The following FSIP1 variants were observed in gnomAD, a reference collection of about 807,000 sequenced individuals.
FSIP1 encodes fibrous sheath-interacting protein 1.
In FSIP1, 65 loss-of-function variants were observed where a neutral mutation model predicts 60.9. That is an observed-to-expected ratio of 1.07 (90% CI 0.87 to 1.31). FSIP1 has a LOEUF of 1.31. FSIP1 is among the 40% of genes most tolerant of loss of function. The pLI is 0.00. For synonymous variants in FSIP1, 209 were observed against 221.2 expected, an observed-to-expected ratio of 0.94 and a Z score of 0.49; for missense variants, 675 against 665.5, an observed-to-expected ratio of 1.01 and a Z score of -0.16.
At chr15:39,741,728 T>C (rs1896807020) in intron 6 of FSIP1, 77 bp downstream of exon 6, 1 of 743,184 alleles carries the variant, frequency 1.3e-6, no homozygotes, top group Non-Finnish European at 2.3e-6. Flanking sequence ...CATGAACTTA[T>C]TTCATTTATG....
intron 5 of FSIP1, among the ~76,000 whole-genome samples, chr15:39,758,384 T>A (rs1201764055): frequency 1.3e-5 from 2 of 152,022 alleles, no homozygotes; most frequent in Non-Finnish European, 2.9e-5. Context: ...CACAAGCAGG[T>A]TTGGTCTTTC....
intron 9 of FSIP1, 30 bp from the exon 10 acceptor site, chr15:39,713,611 T>C: frequency 6.4e-7 from 1 of 1,571,640 alleles, no homozygotes; most frequent in Non-Finnish European, 8.6e-7. Flanking sequence ...AAAACATCAT[T>C]CACAGGCTGG....
chr15:39,646,698 T>G (rs1432486709), intron 10 of FSIP1, among the ~76,000 whole-genome samples: 3 of 141,090 alleles, frequency 2.1e-5, no homozygotes, highest in African/African-American at 8.5e-5. Flanking sequence ...TGTGACACAC[T>G]GTCTCTTAAA....
chr15:39,680,161 T>C (rs1313945557), intron 10 of FSIP1, among the ~76,000 whole-genome samples: 1 of 151,534 alleles, frequency 6.6e-6, no homozygotes, highest in Non-Finnish European at 1.5e-5. Flanking sequence ...TCAAAAAAAA[T>C]AATAATAATG....
chr15:39,654,728 C>T (rs1288259188), intron 10 of FSIP1, among the ~76,000 whole-genome samples: 3 of 152,224 alleles, frequency 2.0e-5, no homozygotes, highest in African/African-American at 4.8e-5. Context: ...AGGACAACCA[C>T]ATCAGTCAGG....
At chr15:39,678,370 A>T (rs572869208) in intron 10 of FSIP1, among the ~76,000 whole-genome samples, 2 of 152,290 alleles carry the variant, frequency 1.3e-5, no homozygotes, top group South Asian at 4.1e-4. Flanking sequence ...CAGAAATGAG[A>T]CCTTCATAAG....
At chr15:39,765,431 A>T (rs1444157655) in intron 4 of FSIP1, among the ~76,000 whole-genome samples, 161 bp downstream of exon 4, 1 of 151,308 alleles carries the variant, frequency 6.6e-6, no homozygotes, top group Non-Finnish European at 1.5e-5. Flanking sequence ...TTTTGTACAG[A>T]TGGGGTCTCT....
intron 3 of FSIP1, among the ~76,000 whole-genome samples, chr15:39,766,410 C>A (rs941593623): frequency 1.3e-5 from 2 of 152,178 alleles, no homozygotes; most frequent in African/African-American, 4.8e-5. Flanking sequence ...TATAGAGTTA[C>A]CTGATAGGCA....
intron 4 of FSIP1, 83 bp from the exon 5 acceptor site, chr15:39,763,997 C>A: frequency 1.4e-6 from 1 of 736,106 alleles, no homozygotes; most frequent in African/African-American, 1.8e-5. Flanking sequence ...ACACGGCTCC[C>A]AATCACATAC....
chr15:39,613,010 A>T (rs1327337394), intron 11 of FSIP1, among the ~76,000 whole-genome samples: 1 of 152,090 alleles, frequency 6.6e-6, no homozygotes, highest in South Asian at 2.1e-4. Context: ...AAAAGAAAAA[A>T]ATATCAGAAT....
At chr15:39,698,425 T>C (rs1894913054) in intron 10 of FSIP1, among the ~76,000 whole-genome samples, 1 of 152,148 alleles carries the variant, frequency 6.6e-6, no homozygotes, top group Non-Finnish European at 1.5e-5. Flanking sequence ...ACTCTGCAAA[T>C]ACTCAGTATT....
At chr15:39,663,205 C>T (rs769135722) in intron 10 of FSIP1, among the ~76,000 whole-genome samples, 1 of 152,090 alleles carries the variant, frequency 6.6e-6, no homozygotes, top group African/African-American at 2.4e-5. Flanking sequence ...TCGACTTTTT[C>T]CTACTTGAAA....
downstream of FSIP1, chr15:39,597,510 C>CA (rs1890496410): frequency 6.6e-6 from 1 of 151,888 alleles, no homozygotes; most frequent in South Asian, 2.1e-4. Flanking sequence ...GGCTTTATGT[C>CA]ATGAAGTATA....
At chr15:39,699,051 C>T (rs1205001387) in intron 10 of FSIP1, among the ~76,000 whole-genome samples, 3 of 152,170 alleles carry the variant, frequency 2.0e-5, no homozygotes, top group Non-Finnish European at 4.4e-5. Flanking sequence ...CCTGAATGTT[C>T]AGGCAGTGTA....
chr15:39,723,480 T>G (rs978610097), intron 9 of FSIP1, among the ~76,000 whole-genome samples: 1 of 152,226 alleles, frequency 6.6e-6, no homozygotes, highest in Non-Finnish European at 1.5e-5. Context: ...CTGTCTGCCT[T>G]GGCCTCCCAA....
In FSIP1 at chr15:39,690,984, G is replaced by A. The variant is rs186165440; in HGVS notation, c.1188+22460C>T. On this transcript the variant is annotated intron_variant, in intron 10 of 11. Transcript: ENST00000350221. ...GCTGGGACAACATCAATCCATCAGA[G>A]AGGTTCGAGTAAAACTGAGCCAAAA... is the stretch of plus-strand genomic sequence containing the variant. Among the ~76,000 whole-genome samples the A allele has an allele frequency of 4.6e-3, 704 of 152,294 alleles. 4 individuals are homozygous for A. Among genetic ancestry groups the A allele is most frequent in the Non-Finnish European group, 7.5e-3 (509 of 68,028 alleles).
intron 10 of FSIP1, among the ~76,000 whole-genome samples, chr15:39,667,666 C>T (rs974522454): frequency 5.9e-5 from 9 of 151,930 alleles, no homozygotes; most frequent in Admixed American, 5.2e-4. Context: ...GCAGTCTTAG[C>T]GGGAGAGTGA....
At chr15:39,765,433 G>A (rs1566918970) in intron 4 of FSIP1, among the ~76,000 whole-genome samples, 159 bp downstream of exon 4, 2 of 151,462 alleles carry the variant, frequency 1.3e-5, no homozygotes, top group Non-Finnish European at 2.9e-5. Context: ...TTGTACAGAT[G>A]GGGTCTCTTT....
chr15:39,742,507 ATTTGCAAGACGCCGTTAACATAAACG>A (rs1896837955), intron 5 of FSIP1, among the ~76,000 whole-genome samples: 1 of 152,184 alleles, frequency 6.6e-6, no homozygotes. Context: ...GACACTGTAT[ATTTGCAAGACGCCGTTAACATAAACG>A]TTTTATTAAA....
Sources: gnomAD v4.1 joint callset for allele counts (sites outside exome capture counted in the v4.1 genomes callset) on GRCh38, gnomAD v4.1.1 for gene constraint, MANE v1.5 for transcripts, NCBI Gene and HGNC (gene_info 2026-07-23, HGNC 2026-07-21) for gene names.